The following RBFOX1 variants were observed in gnomAD, a reference collection of about 807,000 sequenced individuals.
RBFOX1 encodes RNA binding protein fox-1 homolog 1.
RBFOX1 carries 8 observed loss-of-function variants against 57.7 expected under a neutral mutation model. The ratio of observed to expected loss-of-function variants is 0.14; its 90% confidence interval spans 0.08 to 0.25. RBFOX1 has a LOEUF of 0.25. Among genes scored for constraint, RBFOX1 ranks in the 10% least tolerant of loss-of-function variants. The pLI is 1.00. For missense variants in RBFOX1, 611 were observed against 548.5 expected (o/e 1.11, Z -1.14); for synonymous variants, 326 against 222.4 (o/e 1.47, Z -4.15).
chr16:7,694,385 G>A (rs1401804629), intron 14 of RBFOX1, among the ~76,000 whole-genome samples: 1 of 152,170 alleles, frequency 6.6e-6, no homozygotes, highest in East Asian at 1.9e-4. Context: ...TGGTGAGAAT[G>A]AATGAATGAA....
At chr16:6,748,878 G>A (rs535695037) in intron 3 of RBFOX1, 3 of 152,144 alleles carry the variant, frequency 2.0e-5, no homozygotes, top group Admixed American at 6.6e-5. Context: ...TAAGGTCTTT[G>A]TCTAAGGAAG....
chr16:7,581,548 T>C (rs1166675242), intron 6 of RBFOX1, among the ~76,000 whole-genome samples: 1 of 152,324 alleles, frequency 6.6e-6, no homozygotes, highest in East Asian at 1.9e-4. Flanking sequence ...TGAAAGTTAC[T>C]GCAGGCTACA....
chr16:6,127,159 C>T (rs919622777), intron 1 of RBFOX1, among the ~76,000 whole-genome samples: 11 of 151,928 alleles, frequency 7.2e-5, no homozygotes, highest in African/African-American at 2.7e-4. Context: ...GGAAGGATGT[C>T]AACATGGGTT....
chr16:7,031,954 A>T (rs1000358877), intron 3 of RBFOX1, among the ~76,000 whole-genome samples: 1 of 152,042 alleles, frequency 6.6e-6, no homozygotes, highest in Admixed American at 6.6e-5. Flanking sequence ...GTTGGGATGG[A>T]CTTCCTCGTT....
At chr16:5,687,056 G>C (rs772469337) in intron 3 of RBFOX1, among the ~76,000 whole-genome samples, 18 of 152,128 alleles carry the variant, frequency 1.2e-4, no homozygotes, top group Non-Finnish European at 2.2e-4. Flanking sequence ...CACTCATATT[G>C]GCTAAGAATC....
intron 1 of RBFOX1, among the ~76,000 whole-genome samples, chr16:6,228,165 T>C (rs978144327): frequency 6.6e-6 from 1 of 151,754 alleles, no homozygotes; most frequent in African/African-American, 2.4e-5. Flanking sequence ...ACAAAAAATA[T>C]CTAGGCTTGG....
chr16:5,951,927 C>G (rs555693416), intron 4 of RBFOX1, among the ~76,000 whole-genome samples: 5 of 151,424 alleles, frequency 3.3e-5, no homozygotes, highest in Non-Finnish European at 7.4e-5. Context: ...AGACTAATTA[C>G]CAGGTACGTC....
intron 2 of RBFOX1, among the ~76,000 whole-genome samples, chr16:6,370,759 T>C (rs193271955): frequency 1.3e-5 from 2 of 152,330 alleles, no homozygotes; most frequent in Admixed American, 1.3e-4. Flanking sequence ...AGAATACTGA[T>C]AATAGTTGCA....
intron 5 of RBFOX1, among the ~76,000 whole-genome samples, chr16:7,541,339 C>T (rs184991914): frequency 1.2e-4 from 19 of 152,310 alleles, no homozygotes; most frequent in East Asian, 1.9e-4. Context: ...ACCAGCTCCA[C>T]GTGAAGCAGC....
At chr16:5,976,954 C>T (rs1167332573) in intron 4 of RBFOX1, among the ~76,000 whole-genome samples, 1 of 152,194 alleles carries the variant, frequency 6.6e-6, no homozygotes, top group Non-Finnish European at 1.5e-5. Flanking sequence ...TCTCTGCTTC[C>T]TCCTGCACGT....
intron 1 of RBFOX1, chr16:6,089,936 T>C (rs2096146844): frequency 6.6e-6 from 1 of 152,194 alleles, no homozygotes. Flanking sequence ...CTTGAAAGAA[T>C]ATGGATTTAG....
chr16:6,018,658 C>T (rs2095015808), upstream of RBFOX1, among the ~76,000 whole-genome samples: 1 of 152,140 alleles, frequency 6.6e-6, no homozygotes, highest in African/African-American at 2.4e-5. Flanking sequence ...CTCTGCCTGG[C>T]CGGAAGATTT....
chr16:7,024,206 C>G (rs990513005), intron 3 of RBFOX1, among the ~76,000 whole-genome samples: 1 of 152,082 alleles, frequency 6.6e-6, no homozygotes, highest in Admixed American at 6.6e-5. Flanking sequence ...TTACAAATTG[C>G]ACCTTAATTT....
intron 3 of RBFOX1, among the ~76,000 whole-genome samples, chr16:6,706,791 G>T (rs181294953): frequency 6.6e-6 from 1 of 150,868 alleles, no homozygotes; most frequent in Non-Finnish European, 1.5e-5. Context: ...ATATTCTTAG[G>T]AATAACAGAA....
chr16:7,406,661 G>A (rs2098345180), intron 4 of RBFOX1, among the ~76,000 whole-genome samples: 1 of 152,184 alleles, frequency 6.6e-6, no homozygotes, highest in Non-Finnish European at 1.5e-5. Flanking sequence ...ATGGCAGATT[G>A]TTACCTGACA....
rs979715689 is a variant in RBFOX1, at chr16:6,857,655, A to G, written c.-15-194402A>G. On this transcript the variant is annotated intron_variant, in intron 3 of 15. Transcript: ENST00000550418. ...AACTGTGTAAGATGCCCCTAAGGCT[A>G]CATGGAAACTTACTCTCTGTGATAG... Among the ~76,000 whole-genome samples the G allele has an allele frequency of 5.9e-5, 9 of 152,220 alleles. No individual in the cohort carries two copies. In the East Asian group the frequency reaches 1.3e-3, roughly 23 times the overall value.
At chr16:6,768,578 G>C (rs2077752704) in intron 3 of RBFOX1, among the ~76,000 whole-genome samples, 1 of 151,704 alleles carries the variant, frequency 6.6e-6, no homozygotes, top group Admixed American at 6.6e-5. Context: ...GAGAGAAAAA[G>C]ATGGATCAAT....
intron 4 of RBFOX1, among the ~76,000 whole-genome samples, chr16:5,871,584 C>T (rs1293903073): frequency 1.3e-5 from 2 of 152,150 alleles, no homozygotes; most frequent in East Asian, 1.9e-4. Context: ...ACGAAGTTAC[C>T]TGGGCGCAGC....
At chr16:6,831,337 C>G (rs536391526) in intron 3 of RBFOX1, among the ~76,000 whole-genome samples, 3 of 152,216 alleles carry the variant, frequency 2.0e-5, no homozygotes, top group Non-Finnish European at 4.4e-5. Flanking sequence ...TTTCCAATGT[C>G]TTATTAGATG....
Sources: gnomAD v4.1 joint callset for allele counts (sites outside exome capture counted in the v4.1 genomes callset) on GRCh38, gnomAD v4.1.1 for gene constraint, MANE v1.5 for transcripts, NCBI Gene and HGNC (gene_info 2026-07-23, HGNC 2026-07-21) for gene names.